The following CACNA1F variants were observed in gnomAD, a reference collection of about 807,000 sequenced individuals.
CACNA1F encodes the protein voltage-dependent L-type calcium channel subunit alpha-1F.
A neutral mutation model predicts 143.8 loss-of-function variants in CACNA1F; 59 were observed. The ratio of observed to expected loss-of-function variants is 0.41; its 90% CI spans 0.33 to 0.51. The LOEUF is 0.51. Ranked by LOEUF, CACNA1F falls within the 20% of genes least tolerant of loss-of-function variation. CACNA1F has a pLI of 0.22. For synonymous variants in CACNA1F, 643 were observed against 649.1 expected, an observed-to-expected ratio of 0.99 and a Z score of 0.14; for missense variants, 1,411 against 1,647.5, an observed-to-expected ratio of 0.86 and a Z score of 2.48.
intron 30 of CACNA1F, 41 bp downstream of exon 30, chrX:49,214,118 A>T (rs782598204): frequency 3.2e-5 from 29 of 895,137 alleles, no homozygotes; most frequent in Non-Finnish European, 4.8e-5. Context: ...ACTCCCAAGG[A>T]ATTCATCCAC....
At chrX:49,212,028 A>C (rs2065662164) in intron 34 of CACNA1F, 39 bp from the exon 35 acceptor site, 1 of 1,074,193 alleles carries the variant, frequency 9.3e-7, no homozygotes, top group Non-Finnish European at 1.3e-6. Context: ...GGGTGAACCC[A>C]TGCCCCACCC....
chrX:49,209,716 G>A lies in CACNA1F; in HGVS notation c.4734C>T (p.Ile1578=), dbSNP rs1557105774. The A allele has an allele frequency of 8.3e-7, 1 of 1,211,300 alleles. No individual in the cohort carries two copies. The highest frequency in any genetic ancestry group is 2.2e-5 in the Admixed American group (1 of 46,046). ...GCCGGAATTTGCGGAAATAGTCCTG[G>A]ATCAGAAATGTGGCGTAGAATTTGC... ...TVGKFYATFL[I]QDYFRKFRRR... is the part of the protein sequence containing the mutation. The change falls in exon 41 of 48, where the codon ATC becomes ATT. Residue 1578 remains isoleucine (I), a synonymous_variant. Transcript: ENST00000323022.
At position 49,219,738 on chromosome X, in the gene CACNA1F, T is replaced by C. The variant is rs1015472590; in HGVS notation, c.2439A>G (p.Glu813=). The C allele has an allele frequency of 2.8e-6, 3 of 1,080,883 alleles. No homozygotes were observed. Among genetic ancestry groups the C allele is most frequent in the Non-Finnish European group, 3.8e-6 (3 of 798,303 alleles). 89.1% of individuals were successfully genotyped at this position (1,080,883 alleles called of 1,213,427 possible). The change falls in exon 20 of 48, where the codon GAA becomes GAG. Residue 813 remains glutamate, a synonymous_variant. Transcript: ENST00000323022. The part of the protein sequence containing the change: ...EEEEEEEEEE[E]EGAGGVELLQ... Reference sequence around the variant, plus strand: ...GGAGTTCCACACCCCCTGCACCCTCTTCCTCTTCTTCCTCTTCTTCCTCTT... The same window carrying C: ...GGAGTTCCACACCCCCTGCACCCTCCTCCTCTTCTTCCTCTTCTTCCTCTT...
At chrX:49,219,888 G>T in intron 19 of CACNA1F, 98 bp from the exon 20 acceptor site, 1 of 550,812 alleles carries the variant, frequency 1.8e-6, no homozygotes. Flanking sequence ...CCATTTCCCT[G>T]CTAGAATGTC....
At chrX:49,219,138 C>T (rs1557108195) in intron 21 of CACNA1F, among the ~76,000 whole-genome samples, 183 bp downstream of exon 21, 1 of 111,674 alleles carries the variant, frequency 9.0e-6, no homozygotes, top group East Asian at 2.8e-4. Context: ...TTGATCTCCT[C>T]CCTGGTGCTT....
In CACNA1F at chrX:49,224,977, T is replaced by C. The variant is rs1557109549; in HGVS notation, c.1661A>G (p.Asn554Ser). ...CGTGAACAGACAGAGCAACACTTTG[T>C]TGGCATACTCTGTGGGGAGAGAGGC... ...VWLTQIQEYANKVLLCLFTVE... is the reference protein window; with the variant it reads ...VWLTQIQEYASKVLLCLFTVE... The change falls in exon 14 of 48, where the codon AAC becomes AGC. Residue 554 changes from asparagine (N) to serine (S), a missense_variant. By Grantham distance (46) the Asn-to-Ser change is conservative. Coordinates refer to ENST00000323022, the MANE Select transcript of CACNA1F (RefSeq NM_001256789.3). The C allele has an allele frequency of 1.7e-6, 2 of 1,181,288 alleles. No homozygotes were observed. Among genetic ancestry groups the C allele is most frequent in the Non-Finnish European group, 2.3e-6 (2 of 870,354 alleles).
chrX:49,219,078 C>A, intron 21 of CACNA1F, 137 bp from the exon 22 acceptor site: 1 of 619,202 alleles, frequency 1.6e-6, no homozygotes. Context: ...TACATGGGCG[C>A]CTTTGGCCTG....
In CACNA1F at chrX:49,218,018, A is replaced by C. The variant is rs781937824; in HGVS notation, c.2929-13T>G. 7.8e-6 allele frequency: 9 copies of C among 1,147,253 alleles called. No homozygotes were observed. The African/African-American group carries it at 1.4e-4, about 18-fold the overall frequency. 94.5% of individuals were successfully genotyped at this position (1,147,253 alleles called of 1,213,427 possible). On this transcript the variant is annotated splice_polypyrimidine_tract_variant and intron_variant, in intron 24 of 47. Transcript: ENST00000323022. ...ACTGCACCACATGCTGCGGGCACCC[A>C]AGCATATGGCTACTGAACACTACAG... is the stretch of plus-strand genomic sequence containing the variant.
At chrX:49,206,202 G>A (rs1557104830) in intron 46 of CACNA1F, among the ~76,000 whole-genome samples, 3 of 109,004 alleles carry the variant, frequency 2.8e-5, no homozygotes, top group Non-Finnish European at 5.7e-5. Context: ...AGACCAGCCC[G>A]GCCAACATGG....
chrX:49,217,779 G>A lies in CACNA1F; in HGVS notation c.3065C>T (p.Ala1022Val). The A allele has an allele frequency of 1.7e-6, 2 of 1,209,693 alleles. No individual in the cohort carries two copies. The highest frequency in any genetic ancestry group is 2.2e-6 in the Non-Finnish European group (2 of 894,119). ...CTTGCATTCTTGAGGGGTGTGTTTG[G>A]CCTCGTCCGTGCAGGTGTAGAATTT... ...KGKFYTCTDE[A>V]KHTPQECKGS... Residue 1022 changes from alanine (A) to valine (V), a missense_variant, in exon 26 of 48, where the codon GCC becomes GTC. Coordinates refer to ENST00000323022, the MANE Select transcript of CACNA1F (RefSeq NM_001256789.3).
chrX:49,233,191 G>C, intron 1 of CACNA1F, 94 bp downstream of exon 1: 1 of 936,863 alleles, frequency 1.1e-6, no homozygotes, highest in Non-Finnish European at 1.5e-6. Context: ...GTCCCCTAGA[G>C]GCTCTCTGGG....
At position 49,213,001 on chromosome X, in the gene CACNA1F, G is replaced by A; in HGVS notation, c.3793-7C>T. 1 of 1,199,777 alleles carries A rather than the reference G, an allele frequency of 8.3e-7. No individual in the cohort carries two copies. The highest frequency in any genetic ancestry group is 1.8e-5 in the South Asian group (1 of 55,599). ...CGCCAAGGTGGCCACCATTCTGGAG[G>A]GAGATATGGCCAAGAAAAAGGTGAT... On this transcript the variant is annotated splice_polypyrimidine_tract_variant and splice_region_variant and intron_variant, in intron 31 of 47. Transcript: ENST00000323022.
In CACNA1F at chrX:49,230,909, G is replaced by T; in HGVS notation, c.462C>A (p.His154Gln). Residue 154 changes from histidine (H) to glutamine (Q), a missense_variant, in exon 4 of 48, where the codon CAC (histidine) becomes CAA (glutamine). By Grantham distance (24) the His-to-Gln change is conservative. Coordinates refer to ENST00000323022, the MANE Select transcript of CACNA1F (RefSeq NM_001256789.3). ...LKIVAYGLVL[H>Q]PSAYIRNGWN... The stretch of plus-strand genomic sequence containing the variant: ...AGCCATTGCGGATGTAGGCGCTGGG[G>T]TGGAGCACCAGCCCGTAGGCCACGA... 2 of 1,190,918 alleles carry T rather than the reference G, an allele frequency of 1.7e-6. No individual in the cohort carries two copies. Among genetic ancestry groups the T allele is most frequent in the Non-Finnish European group, 2.3e-6 (2 of 883,458 alleles).
At chrX:49,209,000 A>AT (rs1225156432) in intron 42 of CACNA1F, 2 of 397,457 alleles carry the variant, frequency 5.0e-6, no homozygotes, top group Admixed American at 8.6e-5. Context: ...TAATTTTTAA[A>AT]TTTTTTTGTA....
At chrX:49,220,794 C>T (rs922859853) in intron 18 of CACNA1F, among the ~76,000 whole-genome samples, 4 of 111,697 alleles carry the variant, frequency 3.6e-5, no homozygotes, top group Admixed American at 9.5e-5. Flanking sequence ...AAAAATTAGC[C>T]GAGTGTGGTG....
At chrX:49,209,807 C>T in intron 40 of CACNA1F, 48 bp from the exon 41 acceptor site, 1 of 1,198,560 alleles carries the variant, frequency 8.3e-7, no homozygotes, top group Non-Finnish European at 1.1e-6. Flanking sequence ...CCCTCTGACC[C>T]AGCCCACCTC....
chrX:49,214,282 A>G lies in CACNA1F; in HGVS notation c.3598-13T>C. ...TCTGCTCATAGTGCTGCAGGAGAAA[A>G]TCAGGTTGAGATGGAGCCTGAGGCA... On this transcript the variant is annotated splice_polypyrimidine_tract_variant and intron_variant, in intron 29 of 47. Coordinates refer to ENST00000323022, the MANE Select transcript of CACNA1F (RefSeq NM_001256789.3). The G allele has an allele frequency of 9.5e-7, 1 of 1,053,698 alleles. No homozygotes were observed. The highest frequency in any genetic ancestry group is 1.3e-6 in the Non-Finnish European group (1 of 751,069). 86.8% of individuals were successfully genotyped at this position (1,053,698 alleles called of 1,213,427 possible).
chrX:49,225,887 G>T (rs782222886), intron 13 of CACNA1F, 22 bp downstream of exon 13: 1 of 1,163,491 alleles, frequency 8.6e-7, no homozygotes, highest in South Asian at 1.9e-5. Flanking sequence ...TGGGGGAGAC[G>T]ACTAGCAGGC....
rs1242467349 is a variant in CACNA1F at position 49,218,707 on chromosome X, C to T, written c.2762G>A (p.Arg921His). The T allele has an allele frequency of 1.6e-5, 17 of 1,047,696 alleles. No individual in the cohort carries two copies. Among genetic ancestry groups the T allele is most frequent in the South Asian group, 1.9e-5 (1 of 51,898 alleles). 86.3% of individuals were successfully genotyped at this position (1,047,696 alleles called of 1,213,427 possible). A position where few individuals can be genotyped will look rare whatever the true frequency, so the allele number is the denominator to read the frequency against. ...AAACCAGCTACGGCAGAAGGAGCCG[C>T]GGTGCAGGAAGGCCCCAAACACTGT... ...KMTVFGAFLH[R>H]GSFCRSWFNM... The change falls in exon 23 of 48, where the codon CGC becomes CAC. Residue 921 changes from arginine (R) to histidine (H), a missense_variant. Arg to His is a conservative substitution (Grantham distance 29). Around this residue, in one of 3 missense-constraint regions of CACNA1F, gnomAD observed 950 missense variants for 1,128.1 expected, o/e 0.84. Transcript: ENST00000323022.
Sources: gnomAD v4.1 joint callset for allele counts (sites outside exome capture counted in the v4.1 genomes callset) on GRCh38, gnomAD v4.1.1 for gene constraint, gnomAD v4.1.1 regional missense constraint, MANE v1.5 for transcripts, NCBI Gene and HGNC (gene_info 2026-07-23, HGNC 2026-07-21) for gene names.